The following GNAL variants were observed in gnomAD, a reference collection of about 807,000 sequenced individuals.
The protein encoded by GNAL is guanine nucleotide-binding protein G(olf) subunit alpha.
A neutral mutation model predicts 55.1 loss-of-function variants in GNAL; 18 were observed. The ratio of observed to expected loss-of-function variants is 0.33; its 90% CI spans 0.23 to 0.48. The LOEUF (loss-of-function observed/expected upper bound fraction) is 0.48, where lower values mean the gene tolerates loss of function less well. GNAL is among the 20% of genes least tolerant of loss of function. The probability of loss-of-function intolerance (pLI) is 0.99; values close to 1 mark genes in which losing one functional copy is unlikely to be tolerated. For missense variants in GNAL, 412 were observed against 614.1 expected, an observed-to-expected ratio of 0.67 and a Z score of 3.48; for synonymous variants, 253 against 237.0, an observed-to-expected ratio of 1.07 and a Z score of -0.62.
chr18:11,774,155 T>C (rs12455241), intron 4 of GNAL, among the ~76,000 whole-genome samples: 4,597 of 152,290 alleles, frequency 0.03, 205 homozygotes, highest in African/African-American at 0.098. Context: ...GTGTGTGTGC[T>C]GCCTTTTCAG....
intron 1 of GNAL, among the ~76,000 whole-genome samples, chr18:11,703,884 ACAGATGGAGGCAGGCTG>A (rs1263116652): frequency 2.0e-5 from 3 of 151,864 alleles, no homozygotes; most frequent in African/African-American, 7.3e-5. Flanking sequence ...CTGACTGGGG[ACAGATGGAGGCAGGCTG>A]CACCCTAGTC....
intron 1 of GNAL, among the ~76,000 whole-genome samples, chr18:11,705,967 C>G (rs1182114741): frequency 6.6e-6 from 1 of 152,072 alleles, no homozygotes; most frequent in Non-Finnish European, 1.5e-5. Context: ...GTTGGCCAGG[C>G]TGGTCTTGAA....
intron 4 of GNAL, among the ~76,000 whole-genome samples, chr18:11,812,149 A>G (rs2034833076): frequency 1.3e-5 from 2 of 152,212 alleles, no homozygotes; most frequent in South Asian, 2.1e-4. Context: ...GGAAAATTCT[A>G]TGTTCCATCA....
At chr18:11,767,517 C>T (rs1568017641) in intron 4 of GNAL, among the ~76,000 whole-genome samples, 1 of 151,332 alleles carries the variant, frequency 6.6e-6, no homozygotes, top group Non-Finnish European at 1.5e-5. Flanking sequence ...TGCATCCTTA[C>T]ACTTGCATGC....
intron 1 of GNAL, among the ~76,000 whole-genome samples, chr18:11,709,447 A>AT (rs977746051): frequency 1.2e-4 from 18 of 151,388 alleles, no homozygotes; most frequent in African/African-American, 4.1e-4. Context: ...TGAACATGGG[A>AT]TTTTTTTCCA....
intron 1 of GNAL, among the ~76,000 whole-genome samples, chr18:11,703,406 A>C (rs1215772637): frequency 6.6e-6 from 1 of 152,226 alleles, no homozygotes; most frequent in African/African-American, 2.4e-5. Flanking sequence ...GAAACGTGTT[A>C]TTTGTTATAG....
At chr18:11,749,231 T>C (rs1373634451) in intron 1 of GNAL, among the ~76,000 whole-genome samples, 3 of 151,164 alleles carry the variant, frequency 2.0e-5, no homozygotes, top group Admixed American at 2.0e-4. Flanking sequence ...CTTTACACAC[T>C]CATAAGATGT....
intron 5 of GNAL, among the ~76,000 whole-genome samples, chr18:11,827,198 G>A (rs995363625): frequency 1.3e-5 from 2 of 152,170 alleles, no homozygotes; most frequent in South Asian, 2.1e-4. Flanking sequence ...GTAAAGCATC[G>A]AGAATGGAGC....
intron 1 of GNAL, chr18:11,745,997 A>G (rs1016599157): frequency 1.0e-5 from 3 of 285,908 alleles, no homozygotes; most frequent in South Asian, 3.5e-5. Context: ...GTTCTTGGGC[A>G]GAGATACCTA....
chr18:11,793,812 A>G (rs2034302349), intron 4 of GNAL, among the ~76,000 whole-genome samples: 2 of 151,072 alleles, frequency 1.3e-5, no homozygotes, highest in African/African-American at 4.9e-5. Flanking sequence ...GATCCCAGCT[A>G]CTTGGGAGGC....
intron 1 of GNAL, among the ~76,000 whole-genome samples, chr18:11,732,964 G>C (rs998989555): frequency 1.3e-5 from 2 of 152,234 alleles, no homozygotes; most frequent in Non-Finnish European, 2.9e-5. Context: ...TGAAGTAAGA[G>C]CTTTCTGGGC....
chr18:11,884,389 A>T lies in GNAL; in HGVS notation c.*3254A>T. 1 of 1,557,086 alleles carries T rather than the reference A, an allele frequency of 6.4e-7. No homozygotes were observed. The highest frequency in any genetic ancestry group is 1.7e-5 in the Admixed American group (1 of 58,476). On this transcript the variant is annotated 3_prime_UTR_variant, in exon 12 of 12. Coordinates refer to ENST00000334049, the MANE Select transcript of GNAL (RefSeq NM_182978.4). ...TCATCATCCACTTGATTCTAACATG[A>T]TCTCTGCCCAAAGTTCCATTTCTTG...
At chr18:11,790,683 G>A (rs2034209963) in intron 4 of GNAL, among the ~76,000 whole-genome samples, 1 of 102,944 alleles carries the variant, frequency 9.7e-6, no homozygotes, top group African/African-American at 3.7e-5. Flanking sequence ...TTTTGAGACA[G>A]TCTTGCTCTG....
At chr18:11,803,141 A>T (rs1388164214) in intron 4 of GNAL, among the ~76,000 whole-genome samples, 1 of 152,232 alleles carries the variant, frequency 6.6e-6, no homozygotes, top group Admixed American at 6.5e-5. Context: ...GGCATAGAAC[A>T]TTCACACTGT....
intron 1 of GNAL, among the ~76,000 whole-genome samples, chr18:11,732,582 TG>T (rs1232557813): frequency 6.6e-6 from 1 of 152,222 alleles, no homozygotes; most frequent in Non-Finnish European, 1.5e-5. Context: ...TCCTCACCCA[TG>T]GGTATCTGTT....
intron 1 of GNAL, among the ~76,000 whole-genome samples, chr18:11,708,274 G>A (rs2031759889): frequency 6.6e-6 from 1 of 152,134 alleles, no homozygotes; most frequent in Non-Finnish European, 1.5e-5. Flanking sequence ...GGCTATTGTA[G>A]GATTATTAAA....
chr18:11,771,449 T>G (rs1383528908), intron 4 of GNAL, among the ~76,000 whole-genome samples: 1 of 152,118 alleles, frequency 6.6e-6, no homozygotes, highest in Non-Finnish European at 1.5e-5. Flanking sequence ...CTGATATGTG[T>G]CAGGAACTAT....
intron 4 of GNAL, among the ~76,000 whole-genome samples, chr18:11,814,292 A>C (rs2034896809): frequency 6.6e-6 from 1 of 152,244 alleles, no homozygotes; most frequent in South Asian, 2.1e-4. Flanking sequence ...TGGGAGGCTG[A>C]GGTGGGTGGA....
chr18:11,855,974 A>G (rs1171319426), intron 5 of GNAL, among the ~76,000 whole-genome samples: 3 of 148,834 alleles, frequency 2.0e-5, no homozygotes, highest in African/African-American at 7.5e-5. Flanking sequence ...CTCCATCTCA[A>G]AAAAAAAAAA....
Sources: allele counts gnomAD v4.1 joint callset (sites outside exome capture counted in the v4.1 genomes callset), GRCh38; gene constraint gnomAD v4.1.1; transcripts MANE v1.5; gene names NCBI Gene and HGNC (gene_info 2026-07-23, HGNC 2026-07-21).